Variants in PLCH1 observed in about 807,000 individuals in gnomAD.
The protein encoded by PLCH1 is 1-phosphatidylinositol 4,5-bisphosphate phosphodiesterase eta-1.
In PLCH1, 60 loss-of-function variants were observed where a neutral mutation model predicts 126.7. The ratio of observed to expected loss-of-function variants is 0.47; its 90% confidence interval spans 0.38 to 0.59. The LOEUF is 0.59. Ranked by LOEUF, PLCH1 falls within the 20% of genes least tolerant of loss-of-function variation. The probability of loss-of-function intolerance (pLI) is 0.00; values close to 1 mark genes in which losing one functional copy is unlikely to be tolerated. For missense variants in PLCH1, 1,723 were observed against 2,040.0 expected, an observed-to-expected ratio of 0.84 and a Z score of 2.99; for synonymous variants, 719 against 734.9, an observed-to-expected ratio of 0.98 and a Z score of 0.35.
rs974714520 is a variant in PLCH1 at position 155,510,737 on chromosome 3, A to G, written c.1632+3986T>C. ...TGCCGAGAGATCCGCTGTTAGTCTGATGGGCTTTCGTTTGAGGGTAACCCG... is the reference window on the plus strand; with the variant it reads ...TGCCGAGAGATCCGCTGTTAGTCTGGTGGGCTTTCGTTTGAGGGTAACCCG... On this transcript the variant is annotated intron_variant, in intron 12 of 22. Coordinates refer to ENST00000460012, the MANE Select transcript of PLCH1 (RefSeq NM_014996.4). Among the ~76,000 whole-genome samples, 73 of 106,234 alleles carry G rather than the reference A, an allele frequency of 6.9e-4. 4 individuals carry two copies. The highest frequency in any genetic ancestry group is 1.1e-3 in the Non-Finnish European group (63 of 56,390). 69.7% of individuals were successfully genotyped at this position (106,234 alleles called of 152,430 possible).
At chr3:155,493,587 T>C (rs923895683) in intron 17 of PLCH1, among the ~76,000 whole-genome samples, 12 of 152,174 alleles carry the variant, frequency 7.9e-5, no homozygotes, top group Middle Eastern at 3.2e-3. Flanking sequence ...CGTTTTACCA[T>C]GTTGGCCAGG....
At chr3:155,608,387 G>C (rs148671421) in intron 2 of PLCH1, among the ~76,000 whole-genome samples, 49 of 152,288 alleles carry the variant, frequency 3.2e-4, no homozygotes, top group Admixed American at 5.2e-4. Context: ...GGCAGGGAGG[G>C]GTGAGGCCTG....
intron 8 of PLCH1, among the ~76,000 whole-genome samples, chr3:155,554,943 T>G (rs1726612411): frequency 1.3e-5 from 2 of 152,216 alleles, no homozygotes. Flanking sequence ...CACAATCTCA[T>G]TAGCTCTCAG....
At chr3:155,688,961 C>CG (rs1316532169) in intron 2 of PLCH1, among the ~76,000 whole-genome samples, 13 of 152,166 alleles carry the variant, frequency 8.5e-5, no homozygotes, top group African/African-American at 1.7e-4. Flanking sequence ...TGCCTGGGGC[C>CG]GGGGGGGATC....
rs1386593756 is a variant in PLCH1, at chr3:155,471,463, C to T, written c.2938+13893G>A. On this transcript the variant is annotated intron_variant, in intron 21 of 21. Transcript: ENST00000494598. ...TGACCTACAAAGAGACTTAGACTCC[C>T]ACACATTAATAATGGGAGACTTTAA... Among the ~76,000 whole-genome samples the T allele has an allele frequency of 4.1e-5, 6 of 147,156 alleles. 1 individual carries two copies. Among genetic ancestry groups the T allele is most frequent in the Middle Eastern group, 6.9e-3 (2 of 288 alleles).
intron 10 of PLCH1, among the ~76,000 whole-genome samples, chr3:155,549,532 T>C (rs983836897): frequency 6.6e-6 from 1 of 152,168 alleles, no homozygotes; most frequent in African/African-American, 2.4e-5. Flanking sequence ...GACTAAAATA[T>C]CAAACATTTG....
At chr3:155,496,040 A>G (rs906925027) in intron 15 of PLCH1, among the ~76,000 whole-genome samples, 1 of 152,224 alleles carries the variant, frequency 6.6e-6, no homozygotes, top group African/African-American at 2.4e-5. Flanking sequence ...AAATATGCAC[A>G]TCACAATATC....
chr3:155,462,041 C>T (rs761669488), intron 21 of PLCH1, among the ~76,000 whole-genome samples: 4 of 152,206 alleles, frequency 2.6e-5, no homozygotes, highest in Non-Finnish European at 5.9e-5. Context: ...GTTAGTGATC[C>T]TCATTCCCAG....
chr3:155,663,006 T>A (rs1742349365), intron 2 of PLCH1, among the ~76,000 whole-genome samples: 1 of 152,180 alleles, frequency 6.6e-6, no homozygotes, highest in Non-Finnish European at 1.5e-5. Flanking sequence ...TTGGCTATAA[T>A]TTAAAAAAGT....
intron 18 of PLCH1, among the ~76,000 whole-genome samples, chr3:155,492,431 C>A (rs1337900008): frequency 6.6e-6 from 1 of 152,150 alleles, no homozygotes; most frequent in Non-Finnish European, 1.5e-5. Context: ...TTAAGATATA[C>A]TCTTAGGTGT....
intron 2 of PLCH1, among the ~76,000 whole-genome samples, chr3:155,616,716 G>A (rs1400660045): frequency 6.6e-6 from 1 of 152,106 alleles, no homozygotes; most frequent in Non-Finnish European, 1.5e-5. Flanking sequence ...GCCTCAAACT[G>A]TCTTTATTGG....
intron 10 of PLCH1, among the ~76,000 whole-genome samples, chr3:155,529,849 C>A (rs971394223): frequency 6.6e-6 from 1 of 152,100 alleles, no homozygotes; most frequent in African/African-American, 2.4e-5. Flanking sequence ...TCACTGCAAC[C>A]TCCGCCCCCC....
chr3:155,455,216 G>A (rs1025768647), intron 21 of PLCH1, among the ~76,000 whole-genome samples: 4 of 152,118 alleles, frequency 2.6e-5, no homozygotes, highest in South Asian at 2.1e-4. Context: ...AGAAGGAGCC[G>A]ACCCTGGGAT....
intron 10 of PLCH1, among the ~76,000 whole-genome samples, chr3:155,529,517 A>G (rs1382616642): frequency 6.6e-6 from 1 of 152,232 alleles, no homozygotes; most frequent in Non-Finnish European, 1.5e-5. Flanking sequence ...TTGGTCTCCC[A>G]GTGAATATAA....
intron 1 of PLCH1, among the ~76,000 whole-genome samples, chr3:155,715,651 T>C (rs1747447256): frequency 6.7e-6 from 1 of 150,174 alleles, no homozygotes; most frequent in African/African-American, 2.5e-5. Flanking sequence ...AACACTCTGT[T>C]GTCCAGGCTG....
intron 2 of PLCH1, among the ~76,000 whole-genome samples, chr3:155,630,085 G>T (rs1737848934): frequency 1.3e-5 from 2 of 152,126 alleles, no homozygotes; most frequent in Admixed American, 6.5e-5. Context: ...ATCATCCCAT[G>T]ATTTTCTGTG....
At chr3:155,614,587 C>T (rs577759816) in intron 2 of PLCH1, among the ~76,000 whole-genome samples, 41 of 152,226 alleles carry the variant, frequency 2.7e-4, no homozygotes, top group African/African-American at 9.4e-4. Flanking sequence ...AAAATAGGCA[C>T]ATAGACCAAT....
At chr3:155,688,554 G>C (rs533108109) in intron 2 of PLCH1, among the ~76,000 whole-genome samples, 20 of 152,316 alleles carry the variant, frequency 1.3e-4, no homozygotes, top group African/African-American at 4.3e-4. Flanking sequence ...TAAGGTAACA[G>C]CTCAGCCACA....
At chr3:155,468,223 T>C (rs1399127987) in intron 21 of PLCH1, among the ~76,000 whole-genome samples, 1 of 152,122 alleles carries the variant, frequency 6.6e-6, no homozygotes, top group Non-Finnish European at 1.5e-5. Context: ...GCAAGCCTCA[T>C]GGTAACCTCA....
Sources: gnomAD v4.1 joint callset for allele counts (sites outside exome capture counted in the v4.1 genomes callset) on GRCh38, gnomAD v4.1.1 for gene constraint, MANE v1.5 for transcripts, NCBI Gene and HGNC (gene_info 2026-07-23, HGNC 2026-07-21) for gene names.